The following FZR1 variants were observed in gnomAD, a reference collection of about 807,000 sequenced individuals.
FZR1 encodes the protein fizzy-related protein homolog.
FZR1 carries 11 observed loss-of-function variants against 63.6 expected under a neutral mutation model. The observed-to-expected ratio is 0.17, with a 90% CI of 0.11 to 0.29. The LOEUF (loss-of-function observed/expected upper bound fraction) is 0.29. Ranked by LOEUF, FZR1 falls within the 10% of genes least tolerant of loss-of-function variation. The probability of loss-of-function intolerance (pLI) is 1.00; values close to 1 mark genes in which losing one functional copy is unlikely to be tolerated. For synonymous variants in FZR1, 328 were observed against 297.9 expected (o/e 1.10, Z -1.04); for missense variants, 440 against 687.5 (o/e 0.64, Z 4.03).
chr19:3,532,361 G>C, intron 10 of FZR1, 56 bp from the exon 11 acceptor site: 1 of 1,386,630 alleles, frequency 7.2e-7, no homozygotes, highest in Non-Finnish European at 9.9e-7. Context: ...TGTGAGGACC[G>C]GCCTATGGGA....
intron 1 of FZR1, among the ~76,000 whole-genome samples, chr19:3,507,243 C>T (rs946602235): frequency 2.0e-5 from 3 of 151,534 alleles, no homozygotes; most frequent in African/African-American, 7.3e-5. Flanking sequence ...GCCCCTCCCT[C>T]CTCCGAACTG....
chr19:3,526,510 C>A lies in FZR1; in HGVS notation c.387+124C>A. The A allele has an allele frequency of 2.8e-6, 2 of 718,846 alleles. No individual in the cohort carries two copies. Among genetic ancestry groups the A allele is most frequent in the Non-Finnish European group, 4.6e-6 (2 of 430,406 alleles). The allele number at this position is 718,846 out of a possible 1,614,324, so 44.5% of individuals were successfully genotyped here. On this transcript the variant is annotated intron_variant, in intron 5 of 13. Transcript: ENST00000441788. The surrounding 1 kb of genome is among the most constrained non-coding windows in gnomAD (Gnocchi z 5.4). ...CTCGGGCCCAGCCACGGCTCAGCACCCCCGCCCTGACCCTGTTCCTTAGCC... is the reference window on the plus strand; with the variant it reads ...CTCGGGCCCAGCCACGGCTCAGCACACCCGCCCTGACCCTGTTCCTTAGCC...
intron 10 of FZR1, 35 bp from the exon 11 acceptor site, chr19:3,532,381 TG>T: frequency 1.3e-6 from 2 of 1,521,904 alleles, no homozygotes; most frequent in South Asian, 1.2e-5. Flanking sequence ...ACCACAGGGC[TG>T]GGACAGCCCC....
chr19:3,529,126 GCGGA>G (rs2083199217), intron 7 of FZR1, among the ~76,000 whole-genome samples: 8 of 145,942 alleles, frequency 5.5e-5, no homozygotes, highest in African/African-American at 2.2e-4. Context: ...GGATGGGAGA[GCGGA>G]TGGGAGAGCG....
chr19:3,536,130 C>T lies in FZR1; in HGVS notation c.*1294C>T, dbSNP rs372306792. On this transcript the variant is annotated 3_prime_UTR_variant, in exon 14 of 14. Transcript: ENST00000441788. ...TCCCCACTCCCCACATCCCAACATC[C>T]TGGTGTCTGTCCCCAGTGGGGTTGG... 2.6e-5 allele frequency: 4 copies of T among 152,384 alleles called. No homozygotes were observed. Among genetic ancestry groups the T allele is most frequent in the African/African-American group, 9.6e-5 (4 of 41,574 alleles). The allele number at this position is 152,384 out of a possible 1,614,324, so 9.4% of individuals were successfully genotyped here. A position where few individuals can be genotyped will look rare whatever the true frequency, so the allele number is the denominator to read the frequency against.
At chr19:3,529,380 G>T (rs2083205680) in intron 7 of FZR1, among the ~76,000 whole-genome samples, 1 of 149,194 alleles carries the variant, frequency 6.7e-6, no homozygotes, top group African/African-American at 2.5e-5. Context: ...GAGCAGATGG[G>T]AGAGCAGATG....
intron 1 of FZR1, among the ~76,000 whole-genome samples, chr19:3,508,486 C>T (rs936923578): frequency 2.6e-5 from 4 of 152,310 alleles, no homozygotes; most frequent in East Asian, 1.9e-4. Flanking sequence ...CGTGCGCCAC[C>T]GCGCTCGGCC....
At chr19:3,527,099 C>T (rs779067079) in intron 6 of FZR1, 37 bp downstream of exon 6, 3 of 1,461,718 alleles carry the variant, frequency 2.1e-6, no homozygotes, top group Non-Finnish European at 1.9e-6. Flanking sequence ...TCCCTACTCC[C>T]TGTCTCCCGT....
Position 3,523,075 on chromosome 19 carries a change from T to C in FZR1, c.69+17T>C, listed in dbSNP as rs1242132159. The stretch of plus-strand genomic sequence containing the variant: ...ATGCCACGCGTGAGTGCCCCCGCCC[T>C]GCCCACCACTGTGGCTCCCCCTCCC... On this transcript the variant is annotated intron_variant, in intron 2 of 13. Coordinates refer to ENST00000441788, the MANE Select transcript of FZR1 (RefSeq NM_016263.4). 56 of 1,484,192 alleles carry C rather than the reference T, an allele frequency of 3.8e-5. No individual in the cohort carries two copies. Among genetic ancestry groups the C allele is most frequent in the Non-Finnish European group, 5.2e-5 (55 of 1,063,048 alleles). The allele number at this position is 1,484,192 out of a possible 1,614,324, so 91.9% of individuals were successfully genotyped here.
chr19:3,537,897 A>G lies in FZR1; in HGVS notation c.*3061A>G. On this transcript the variant is annotated 3_prime_UTR_variant, in exon 14 of 14. Transcript: ENST00000441788. The stretch of plus-strand genomic sequence containing the variant: ...GGGCCTTGGGGAAGGGCGGCCTTGG[A>G]TCAGAGGCTCACCACAAGCCTGGCA... 6.5e-6 allele frequency: 1 copy of G among 152,690 alleles called. No homozygotes were observed. The highest frequency in any genetic ancestry group is 1.5e-5 in the Non-Finnish European group (1 of 68,284). 9.5% of individuals were successfully genotyped at this position (152,690 alleles called of 1,614,324 possible).
chr19:3,529,885 A>T (rs183428563), intron 7 of FZR1, among the ~76,000 whole-genome samples: 3,706 of 70,472 alleles, frequency 0.053, 367 homozygotes, highest in Non-Finnish European at 0.083. Context: ...AGCGGGTGGG[A>T]GAGCGGATGG....
intron 1 of FZR1, among the ~76,000 whole-genome samples, chr19:3,522,640 G>T (rs979032815): frequency 6.6e-6 from 1 of 152,350 alleles, no homozygotes; most frequent in African/African-American, 2.4e-5. Context: ...GCTCAGGGAA[G>T]AGTCCTTGTC....
At chr19:3,509,842 T>C (rs977696465) in intron 1 of FZR1, among the ~76,000 whole-genome samples, 3 of 152,170 alleles carry the variant, frequency 2.0e-5, no homozygotes, top group Non-Finnish European at 2.9e-5. Flanking sequence ...GTTTTGTGCG[T>C]CTCCTTATTC....
intron 1 of FZR1, among the ~76,000 whole-genome samples, chr19:3,517,235 C>A (rs766072863): frequency 6.6e-6 from 1 of 151,952 alleles, no homozygotes; most frequent in Non-Finnish European, 1.5e-5. Context: ...ACAAAAAATA[C>A]AAAAAGTGGC....
rs991206099 is a variant in FZR1 at position 3,537,931 on chromosome 19, A to C, written c.*3095A>C. On this transcript the variant is annotated 3_prime_UTR_variant, in exon 14 of 14. Transcript: ENST00000441788. ...TCACCACAAGCCTGGCATTTCAGCCAGGGCTGGAGAAGGCAGGGACGCCTG... is the reference window on the plus strand; with the variant it reads ...TCACCACAAGCCTGGCATTTCAGCCCGGGCTGGAGAAGGCAGGGACGCCTG... 2.0e-5 allele frequency: 3 copies of C among 152,572 alleles called. No individual in the cohort carries two copies. Among genetic ancestry groups the C allele is most frequent in the Non-Finnish European group, 2.9e-5 (2 of 68,242 alleles). 9.5% of individuals were successfully genotyped at this position (152,572 alleles called of 1,614,324 possible). A position where few individuals can be genotyped will look rare whatever the true frequency, so the allele number is the denominator to read the frequency against.
Position 3,534,762 on chromosome 19 carries a change from C to G in FZR1, c.1441-33C>G. On this transcript the variant is annotated intron_variant, in intron 13 of 13. Coordinates refer to ENST00000441788, the MANE Select transcript of FZR1 (RefSeq NM_016263.4). ...GGCAGCTTCCTCCCTGGGCCTGCGG[C>G]TCAGCGCATCTGCCATCCCCATGTG... 6.2e-7 allele frequency: 1 copy of G among 1,605,160 alleles called. No homozygotes were observed. The highest frequency in any genetic ancestry group is 8.5e-7 in the Non-Finnish European group (1 of 1,173,082).
intron 2 of FZR1, 96 bp downstream of exon 2, chr19:3,523,154 C>T (rs1489867716): frequency 6.1e-6 from 5 of 814,758 alleles, no homozygotes; most frequent in East Asian, 2.4e-5. Context: ...GTCACTAAAG[C>T]CCCACGGACC....
At chr19:3,507,594 C>G (rs998404843) in intron 1 of FZR1, among the ~76,000 whole-genome samples, 1 of 152,196 alleles carries the variant, frequency 6.6e-6, no homozygotes, top group Non-Finnish European at 1.5e-5. Flanking sequence ...GGCCCCCACC[C>G]CAACCTATGT....
In FZR1 at chr19:3,530,874, T is replaced by C. The variant is rs780779757; in HGVS notation, c.720+17T>C. On this transcript the variant is annotated intron_variant, in intron 8 of 13. Coordinates refer to ENST00000441788, the MANE Select transcript of FZR1 (RefSeq NM_016263.4). Reference sequence around the variant, plus strand: ...TCTGAGCGGGTGAGTGCAGAGGGCTTGGCCCCCACCTGGGAGATCTGATGG... The same window carrying C: ...TCTGAGCGGGTGAGTGCAGAGGGCTCGGCCCCCACCTGGGAGATCTGATGG... The C allele has an allele frequency of 9.4e-6, 15 of 1,603,424 alleles. No homozygotes were observed. The highest frequency in any genetic ancestry group is 1.3e-5 in the Non-Finnish European group (15 of 1,172,170).
Sources: gnomAD v4.1 joint callset for allele counts (sites outside exome capture counted in the v4.1 genomes callset) on GRCh38, gnomAD v4.1.1 for gene constraint, Gnocchi (gnomAD v3.1) non-coding constraint, MANE v1.5 for transcripts, NCBI Gene and HGNC (gene_info 2026-07-23, HGNC 2026-07-21) for gene names.